FRS2: variants seen among roughly 807,000 people sequenced by gnomAD.
FRS2 encodes FGFR signalling adaptor.
In FRS2, 8 loss-of-function variants were observed where a neutral mutation model predicts 43.9. The ratio of observed to expected loss-of-function variants is 0.18; its 90% CI spans 0.11 to 0.33. The LOEUF (loss-of-function observed/expected upper bound fraction) is 0.33, where lower values mean the gene tolerates loss of function less well. Ranked by LOEUF, FRS2 falls within the 10% of genes least tolerant of loss-of-function variation. FRS2 has a pLI of 1.00. For synonymous variants in FRS2, 219 were observed against 220.3 expected (o/e 0.99, Z 0.05); for missense variants, 534 against 627.6 (o/e 0.85, Z 1.59).
At chr12:69,497,296 C>A (rs1012181081) in intron 1 of FRS2, among the ~76,000 whole-genome samples, 1 of 152,210 alleles carries the variant, frequency 6.6e-6, no homozygotes, top group Non-Finnish European at 1.5e-5. Context: ...TTAGTACATT[C>A]GGGCTAATAT....
At chr12:69,567,414 C>G (rs565628442) in intron 4 of FRS2, among the ~76,000 whole-genome samples, 1 of 152,220 alleles carries the variant, frequency 6.6e-6, no homozygotes, top group Admixed American at 6.5e-5. Flanking sequence ...TTGTTTAATA[C>G]AGTCCATTTA....
chr12:69,545,337 A>C (rs1053565250), intron 3 of FRS2, among the ~76,000 whole-genome samples: 15 of 152,202 alleles, frequency 9.9e-5, no homozygotes, highest in African/African-American at 3.1e-4. Context: ...ACAATCTTGA[A>C]AAAGAAGAAG....
In FRS2 at chr12:69,572,201, A is replaced by G. The variant is rs1255925693; in HGVS notation, c.496A>G (p.Arg166Gly). ...FGDASSHPSS[R>G]HPSVGSARLP... ...AGATGCTTCATCCCATCCGTCAAGC[A>G]GACATCCTTCTGTGGGAAGTGCTCG... The change falls in exon 8 of 9, where the codon AGA (arginine) becomes GGA (glycine). Residue 166 changes from arginine (R) to glycine (G), a missense_variant. Coordinates refer to ENST00000549921, the MANE Select transcript of FRS2 (RefSeq NM_001278356.2). 8 of 1,613,468 alleles carry G rather than the reference A, an allele frequency of 5.0e-6. No individual in the cohort carries two copies. Among genetic ancestry groups the G allele is most frequent in the Admixed American group, 1.7e-5 (1 of 60,008 alleles).
chr12:69,552,796 G>A (rs564750034), intron 3 of FRS2, among the ~76,000 whole-genome samples: 20 of 151,956 alleles, frequency 1.3e-4, no homozygotes, highest in South Asian at 1.2e-3. Context: ...AGAGGCTGAG[G>A]CAGGAGAATT....
intron 1 of FRS2, among the ~76,000 whole-genome samples, chr12:69,527,403 C>G (rs1876366068): frequency 2.4e-5 from 3 of 124,586 alleles, no homozygotes. Context: ...AAGCTGGACT[C>G]TAACTCGTGG....
At chr12:69,526,901 T>C (rs917217690) in intron 1 of FRS2, among the ~76,000 whole-genome samples, 10 of 152,106 alleles carry the variant, frequency 6.6e-5, no homozygotes, top group African/African-American at 2.4e-4. Flanking sequence ...TTTTTTGTAT[T>C]TTTAGTAGAG....
At chr12:69,474,555 C>G (rs1870592340) in intron 1 of FRS2, among the ~76,000 whole-genome samples, 1 of 152,142 alleles carries the variant, frequency 6.6e-6, no homozygotes, top group South Asian at 2.1e-4. Flanking sequence ...TAGGTTCACA[C>G]GGAGTAGAAA....
intron 1 of FRS2, among the ~76,000 whole-genome samples, chr12:69,472,253 ATTTTTTTTT>A (rs3970803): frequency 1.5e-5 from 2 of 133,318 alleles, no homozygotes; most frequent in Non-Finnish European, 3.2e-5. Flanking sequence ...CACCTGGCTA[ATTTTTTTTT>A]TTTTTTTTTT....
intron 8 of FRS2, among the ~76,000 whole-genome samples, 189 bp downstream of exon 8, chr12:69,572,470 G>A (rs769513300): frequency 6.6e-6 from 1 of 152,088 alleles, no homozygotes; most frequent in Non-Finnish European, 1.5e-5. Flanking sequence ...GGGTATTCAG[G>A]GGAACTTACC....
intron 1 of FRS2, among the ~76,000 whole-genome samples, chr12:69,500,359 A>G (rs893770542): frequency 6.6e-6 from 1 of 152,226 alleles, no homozygotes; most frequent in Non-Finnish European, 1.5e-5. Flanking sequence ...CATCCCACAC[A>G]TCCTAAAGTG....
chr12:69,560,264 T>G (rs1452072925), intron 3 of FRS2, among the ~76,000 whole-genome samples: 1 of 152,222 alleles, frequency 6.6e-6, no homozygotes, highest in Non-Finnish European at 1.5e-5. Context: ...TAAAATGCTA[T>G]TAATTTTCGA....
At position 69,476,757 on chromosome 12, in the gene FRS2, G is replaced by A. The variant is rs1386627638; in HGVS notation, c.-261+6227G>A. On this transcript the variant is annotated intron_variant, in intron 1 of 8. Transcript: ENST00000549921. ...CAGGCGGCTGTGGGGGAGGGACGGG[G>A]GGGGGTGTGGGGGTGGGGAACTTAA... Among the ~76,000 whole-genome samples, 3 of 149,812 alleles carry A rather than the reference G, an allele frequency of 2.0e-5. No individual in the cohort carries two copies. The South Asian group carries it at 6.4e-4, about 32-fold the overall frequency.
chr12:69,565,044 C>G (rs1011142039), intron 4 of FRS2, among the ~76,000 whole-genome samples: 14 of 152,300 alleles, frequency 9.2e-5, no homozygotes, highest in East Asian at 3.9e-4. Context: ...ACTGCGCAAA[C>G]GTCATAGAGT....
chr12:69,522,190 T>TTG (rs201103216), intron 1 of FRS2, among the ~76,000 whole-genome samples: 22,668 of 134,490 alleles, frequency 0.17, 1,919 homozygotes, highest in East Asian at 0.23. Context: ...GAAGTTTTCT[T>TTG]TGTGTGTGTG....
chr12:69,482,192 T>C (rs575230087), intron 1 of FRS2, among the ~76,000 whole-genome samples: 1 of 152,254 alleles, frequency 6.6e-6, no homozygotes, highest in South Asian at 2.1e-4. Context: ...GATCAAGAAG[T>C]CAATAGAGTT....
intron 1 of FRS2, among the ~76,000 whole-genome samples, chr12:69,491,895 C>T (rs1004716523): frequency 1.3e-5 from 2 of 152,038 alleles, no homozygotes; most frequent in South Asian, 4.1e-4. Flanking sequence ...TTTCTGTGTC[C>T]GTGGATATAC....
rs185930442 is a variant in FRS2 at position 69,558,005 on chromosome 12, T to C, written c.-121-4175T>C. ...TTATATATATGTGTGTGTGTGTTGT[T>C]TTACACACAAACAAATGAATCTCTA... On this transcript the variant is annotated intron_variant, in intron 3 of 8. Transcript: ENST00000549921. 5.6e-4 allele frequency: 85 copies of C among 152,262 alleles called. 1 individual carries two copies. Among genetic ancestry groups the C allele is most frequent in the Middle Eastern group, 3.4e-3 (1 of 294 alleles). 9.4% of individuals were successfully genotyped at this position (152,262 alleles called of 1,614,324 possible). A position where few individuals can be genotyped will look rare whatever the true frequency, so the allele number is the denominator to read the frequency against.
At chr12:69,528,958 A>G (rs502736) in intron 1 of FRS2, among the ~76,000 whole-genome samples, 42,528 of 152,078 alleles carry the variant, frequency 0.28, 6,553 homozygotes, top group Middle Eastern at 0.4. Flanking sequence ...ATGCTGGTAT[A>G]GCTTGAATGG....
chr12:69,535,988 T>G (rs1877235146), intron 3 of FRS2, among the ~76,000 whole-genome samples: 1 of 151,792 alleles, frequency 6.6e-6, no homozygotes, highest in South Asian at 2.1e-4. Context: ...GAAAGGGCCC[T>G]CTATCTGAAC....
Sources: gnomAD v4.1 joint callset for allele counts (sites outside exome capture counted in the v4.1 genomes callset) on GRCh38, gnomAD v4.1.1 for gene constraint, MANE v1.5 for transcripts, NCBI Gene and HGNC (gene_info 2026-07-23, HGNC 2026-07-21) for gene names.